AKAIN1: variants seen among roughly 807,000 people sequenced by gnomAD.
AKAIN1 encodes the protein A-kinase anchor inhibitor 1.
In AKAIN1, 3 loss-of-function variants were observed where a neutral mutation model predicts 3.7. The observed-to-expected ratio is 0.82, with a 90% CI of 0.37 to 2.12. AKAIN1 has a LOEUF of 2.12. AKAIN1 is among the 30% of genes most tolerant of loss of function. The pLI is 0.06. For missense variants in AKAIN1, 82 were observed against 82.7 expected (o/e 0.99, Z 0.03); for synonymous variants, 31 against 30.8 (o/e 1.01, Z -0.02).
intron 1 of AKAIN1, among the ~76,000 whole-genome samples, chr18:5,183,303 T>C (rs1316003061): frequency 6.6e-6 from 1 of 152,024 alleles, no homozygotes; most frequent in Non-Finnish European, 1.5e-5. Flanking sequence ...TAGAAAGATA[T>C]ATTCATACAG....
intron 1 of AKAIN1, among the ~76,000 whole-genome samples, chr18:5,165,092 GC>G (rs1253562394): frequency 6.6e-6 from 1 of 151,852 alleles, no homozygotes; most frequent in Non-Finnish European, 1.5e-5. Flanking sequence ...ATGCCAATCT[GC>G]CAGGCTAGTA....
At chr18:5,159,541 TATGGTAAA>T (rs1441290586) in intron 1 of AKAIN1, 5 of 152,198 alleles carry the variant, frequency 3.3e-5, no homozygotes, top group African/African-American at 1.2e-4. Flanking sequence ...GCAAGCAAAC[TATGGTAAA>T]ATAGAAATTA....
At chr18:5,154,931 GC>G (rs2071098806) in intron 1 of AKAIN1, among the ~76,000 whole-genome samples, 1 of 152,120 alleles carries the variant, frequency 6.6e-6, no homozygotes, top group Non-Finnish European at 1.5e-5. Flanking sequence ...GACTACAGGC[GC>G]CCGCCACCAC....
At chr18:5,149,325 T>G (rs1328380987) in intron 1 of AKAIN1, among the ~76,000 whole-genome samples, 1 of 152,186 alleles carries the variant, frequency 6.6e-6, no homozygotes, top group Non-Finnish European at 1.5e-5. Flanking sequence ...CACATACTAC[T>G]TGTGTGTTAG....
Position 5,145,598 on chromosome 18 carries a change from GC to G in AKAIN1, c.173del (p.Gly58AlafsTer5). 1 of 1,551,532 alleles carries G rather than the reference GC, an allele frequency of 6.4e-7. No homozygotes were observed. Among genetic ancestry groups the G allele is most frequent in the East Asian group, 2.4e-5 (1 of 40,920 alleles). ...ISDNRDHIQL[G>X]VGELTKKHEK... Reference sequence around the variant, plus strand: ...CGTGCTTCTTGGTTAACTCCCCAACGCCCAGTTGGATGTGGTCCCGGTTGTC... The same window carrying G: ...CGTGCTTCTTGGTTAACTCCCCAACGCCAGTTGGATGTGGTCCCGGTTGTC... On this transcript the variant is annotated frameshift_variant, in exon 2 of 2. Transcript: ENST00000434239. LOFTEE classifies it high-confidence loss of function.
chr18:5,176,092 C>T (rs1443203704), intron 1 of AKAIN1, among the ~76,000 whole-genome samples: 1 of 152,074 alleles, frequency 6.6e-6, no homozygotes, highest in Non-Finnish European at 1.5e-5. Flanking sequence ...AACAAAATCA[C>T]CTCTGGTTGA....
chr18:5,177,061 A>G (rs2071230770), intron 1 of AKAIN1, among the ~76,000 whole-genome samples: 1 of 152,106 alleles, frequency 6.6e-6, no homozygotes, highest in Admixed American at 6.5e-5. Context: ...CAGCTAGCCC[A>G]GTGGCAGTAG....
chr18:5,182,034 G>A (rs1386621980), intron 1 of AKAIN1, among the ~76,000 whole-genome samples: 1 of 152,076 alleles, frequency 6.6e-6, no homozygotes, highest in Non-Finnish European at 1.5e-5. Flanking sequence ...GACGAGATCA[G>A]AATTATTCAG....
intron 1 of AKAIN1, among the ~76,000 whole-genome samples, chr18:5,183,789 T>C (rs879601447): frequency 7.9e-5 from 12 of 152,078 alleles, no homozygotes; most frequent in Non-Finnish European, 1.6e-4. Flanking sequence ...TTTTTTACAA[T>C]TGAGCAATAA....
chr18:5,153,909 G>A (rs983010381), intron 1 of AKAIN1, among the ~76,000 whole-genome samples: 1 of 151,816 alleles, frequency 6.6e-6, no homozygotes, highest in African/African-American at 2.4e-5. Flanking sequence ...GGGGGAAGGG[G>A]GCATATAAGA....
intron 1 of AKAIN1, chr18:5,159,357 T>TTG (rs964568347): frequency 1.1e-4 from 16 of 152,124 alleles, no homozygotes; most frequent in Admixed American, 2.0e-4. Flanking sequence ...GTCAAATGTA[T>TTG]TGAGCTTTTG....
At chr18:5,164,798 A>G (rs1232409872) in intron 1 of AKAIN1, among the ~76,000 whole-genome samples, 2 of 152,192 alleles carry the variant, frequency 1.3e-5, no homozygotes, top group East Asian at 3.9e-4. Flanking sequence ...CATAACATTT[A>G]TATCACCCCC....
At position 5,144,025 on chromosome 18, in the gene AKAIN1, C is replaced by T. The variant is rs2071035259; in HGVS notation, c.*1537G>A. On this transcript the variant is annotated 3_prime_UTR_variant, in exon 2 of 2. Coordinates refer to ENST00000434239, the MANE Select transcript of AKAIN1 (RefSeq NM_001145194.2). ...TTTTGGTCGACTTAAACTCACTCTT[C>T]ACTTGGCATGAATTCTGCTAAAAGA... is the stretch of plus-strand genomic sequence containing the variant. Among the ~76,000 whole-genome samples the T allele has an allele frequency of 6.6e-6, 1 of 152,216 alleles. No individual in the cohort carries two copies. The highest frequency in any genetic ancestry group is 1.5e-5 in the Non-Finnish European group (1 of 68,042).
intron 1 of AKAIN1, among the ~76,000 whole-genome samples, chr18:5,160,913 T>C (rs180853877): frequency 1.1e-4 from 16 of 152,316 alleles, no homozygotes; most frequent in Admixed American, 3.3e-4. Flanking sequence ...ATTGAACTAC[T>C]TGACTTGCAC....
In AKAIN1 at chr18:5,197,127, C is replaced by T. The variant is rs542044003; in HGVS notation, c.-74G>A. The T allele has an allele frequency of 2.7e-5, 41 of 1,546,678 alleles. No homozygotes were observed. Among genetic ancestry groups the T allele is most frequent in the Non-Finnish European group, 3.4e-5 (39 of 1,146,558 alleles). Reference sequence around the variant, plus strand: ...GACGGAGGATGGGAAGAAGGCCGGACTTGGCGGGGTCCGGTGCAGGAGGGC... The same window carrying T: ...GACGGAGGATGGGAAGAAGGCCGGATTTGGCGGGGTCCGGTGCAGGAGGGC... On this transcript the variant is annotated 5_prime_UTR_variant, in exon 1 of 2. Transcript: ENST00000434239. This position sits in a 1 kb window ranked among gnomAD's most constrained non-coding sequence, Gnocchi z 6.9.
chr18:5,188,321 G>T (rs2071299062), intron 1 of AKAIN1, among the ~76,000 whole-genome samples: 1 of 151,966 alleles, frequency 6.6e-6, no homozygotes, highest in Non-Finnish European at 1.5e-5. Flanking sequence ...GATCCACTTG[G>T]CATTGCCCTA....
At position 5,161,748 on chromosome 18, in the gene AKAIN1, T is replaced by C. The variant is rs77478908; in HGVS notation, c.17-15993A>G. Among the ~76,000 whole-genome samples the C allele has an allele frequency of 2.1e-3, 316 of 152,280 alleles. 1 individual carries two copies. The highest frequency in any genetic ancestry group is 7.0e-3 in the African/African-American group (292 of 41,578). On this transcript the variant is annotated intron_variant, in intron 1 of 1. Transcript: ENST00000434239. ...TTTTTAATTAGAAATGCCTATCAAA[T>C]TTGTCAAATGTTTTCTCACATCCAC...
chr18:5,197,345 G>T, upstream of AKAIN1: 2 of 1,280,644 alleles, frequency 1.6e-6, no homozygotes, highest in Non-Finnish European at 2.0e-6. This position sits in a 1 kb window ranked among gnomAD's most constrained non-coding sequence, Gnocchi z 6.9. Flanking sequence ...GTACACTGCT[G>T]CTTAGGGAGC....
chr18:5,148,966 G>A (rs2071064870), intron 1 of AKAIN1, among the ~76,000 whole-genome samples: 1 of 152,164 alleles, frequency 6.6e-6, no homozygotes. Flanking sequence ...GCAAAGCCAA[G>A]GCTACATTGA....
Sources: allele counts gnomAD v4.1 joint callset (sites outside exome capture counted in the v4.1 genomes callset), GRCh38; gene constraint gnomAD v4.1.1; non-coding constraint Gnocchi (gnomAD v3.1); transcripts MANE v1.5; gene names NCBI Gene and HGNC (gene_info 2026-07-23, HGNC 2026-07-21).